The following NRG1 variants were observed in gnomAD, a reference collection of about 807,000 sequenced individuals.
NRG1 encodes the protein neuregulin 1.
In NRG1, 18 loss-of-function variants were observed where a neutral mutation model predicts 63.8. The ratio of observed to expected loss-of-function variants is 0.28; its 90% CI spans 0.19 to 0.42. The LOEUF (loss-of-function observed/expected upper bound fraction) is 0.42, where lower values mean the gene tolerates loss of function less well. Ranked by LOEUF, NRG1 falls within the 10% of genes least tolerant of loss-of-function variation. The probability of loss-of-function intolerance (pLI) is 1.00; values close to 1 mark genes in which losing one functional copy is unlikely to be tolerated. For missense variants in NRG1, 762 were observed against 814.7 expected, an observed-to-expected ratio of 0.94 and a Z score of 0.79; for synonymous variants, 302 against 301.3, an observed-to-expected ratio of 1.00 and a Z score of -0.02.
At chr8:32,188,265 C>G (rs1040364580) in intron 1 of NRG1, among the ~76,000 whole-genome samples, 1 of 152,132 alleles carries the variant, frequency 6.6e-6, no homozygotes, top group Admixed American at 6.6e-5. Context: ...CAGGGTTTCA[C>G]CATGGTGGCC....
intron 1 of NRG1, among the ~76,000 whole-genome samples, chr8:32,465,986 A>G (rs1823015627): frequency 6.6e-6 from 1 of 152,208 alleles, no homozygotes; most frequent in Admixed American, 6.5e-5. Flanking sequence ...GAGCCTTCAG[A>G]TAATTTTCAT....
At chr8:32,401,821 G>A (rs753833020) in intron 1 of NRG1, among the ~76,000 whole-genome samples, 5 of 152,094 alleles carry the variant, frequency 3.3e-5, no homozygotes, top group Admixed American at 6.6e-5. Context: ...TAATCTGTAC[G>A]TCAAATGCCT....
At chr8:32,576,157 A>G (rs1007806789) in intron 1 of NRG1, among the ~76,000 whole-genome samples, 2 of 152,146 alleles carry the variant, frequency 1.3e-5, no homozygotes, top group Non-Finnish European at 2.9e-5. Context: ...CTACTCTCTT[A>G]GCAATTTTCA....
At chr8:32,192,375 T>C (rs1842575224) in intron 1 of NRG1, among the ~76,000 whole-genome samples, 1 of 152,142 alleles carries the variant, frequency 6.6e-6, no homozygotes, top group Non-Finnish European at 1.5e-5. Context: ...GGTATACATA[T>C]GATACGTATA....
chr8:32,529,726 C>T (rs1371455216), intron 1 of NRG1, among the ~76,000 whole-genome samples: 1 of 152,036 alleles, frequency 6.6e-6, no homozygotes, highest in Non-Finnish European at 1.5e-5. Context: ...CACTGTCCTC[C>T]ACCTCCACAT....
intron 1 of NRG1, among the ~76,000 whole-genome samples, chr8:32,410,519 C>A (rs1468993565): frequency 6.6e-6 from 1 of 152,162 alleles, no homozygotes; most frequent in African/African-American, 2.4e-5. Context: ...TACAAACTTT[C>A]TGGAGAACAA....
intron 1 of NRG1, among the ~76,000 whole-genome samples, chr8:32,141,010 TTTTTC>T (rs1343816226): frequency 6.6e-6 from 1 of 150,734 alleles, no homozygotes; most frequent in African/African-American, 2.5e-5. Context: ...TGTCTCTCTC[TTTTTC>T]TCTGTCAATT....
intron 1 of NRG1, among the ~76,000 whole-genome samples, chr8:32,066,874 T>G (rs908889201): frequency 3.9e-5 from 6 of 151,948 alleles, no homozygotes; most frequent in Non-Finnish European, 7.4e-5. Flanking sequence ...TGAGCAGTGG[T>G]TTGTAGTTCT....
chr8:32,647,241 C>T, intron 5 of NRG1: 1 of 985,348 alleles, frequency 1.0e-6, no homozygotes, highest in Non-Finnish European at 1.2e-6. Flanking sequence ...CCTGCCGCCG[C>T]TGCTGCTGCC....
chr8:32,764,399 A>G, exon 12 of NRG1: 1 of 1,554,938 alleles, frequency 6.4e-7, no homozygotes, highest in Non-Finnish European at 8.7e-7. Context: ...CTATTGCTGT[A>G]TAAAACCTAA....
At chr8:32,603,353 T>C (rs1020419683) in intron 2 of NRG1, among the ~76,000 whole-genome samples, 3 of 152,226 alleles carry the variant, frequency 2.0e-5, no homozygotes, top group African/African-American at 7.2e-5. Context: ...CCTGTGAGAT[T>C]AAAGATAATG....
At chr8:32,120,909 ACT>A (rs1161524823) in intron 1 of NRG1, among the ~76,000 whole-genome samples, 2 of 152,000 alleles carry the variant, frequency 1.3e-5, no homozygotes, top group Admixed American at 6.6e-5. Flanking sequence ...CATGGTATAA[ACT>A]CTGCAAGAGG....
chr8:31,688,140 A>G (rs992245697), intron 1 of NRG1, among the ~76,000 whole-genome samples: 3 of 152,226 alleles, frequency 2.0e-5, no homozygotes, highest in Non-Finnish European at 2.9e-5. Flanking sequence ...CAACAGGGCA[A>G]TGGTTAAATC....
chr8:32,728,074 T>G, exon 6 of NRG1: 1 of 1,613,978 alleles, frequency 6.2e-7, no homozygotes, highest in Non-Finnish European at 8.5e-7. Context: ...GAGATACTTG[T>G]GCAAGTAAGA....
intron 1 of NRG1, among the ~76,000 whole-genome samples, chr8:32,390,038 G>C (rs1398877033): frequency 6.6e-6 from 1 of 152,110 alleles, no homozygotes; most frequent in East Asian, 1.9e-4. Flanking sequence ...GGGATTACAG[G>C]CGTGAGCCAC....
chr8:32,754,291 C>A, intron 7 of NRG1, 81 bp from the exon 8 acceptor site: 8 of 1,134,546 alleles, frequency 7.1e-6, no homozygotes, highest in Non-Finnish European at 9.3e-6. Context: ...CAATGTCATG[C>A]AGCATGCCCA....
At chr8:32,284,489 G>GCCTGCCTGCCTGCCTTCCTTGCTT in intron 1 of NRG1, among the ~76,000 whole-genome samples, 1 of 132,614 alleles carries the variant, frequency 7.5e-6, no homozygotes, top group East Asian at 2.3e-4. Context: ...CTGCCTGCCT[G>GCCTGCCTGCCTGCCTTCCTTGCTT]CCTTCCTTCC....
chr8:32,343,404 C>A (rs1214486220), intron 1 of NRG1, among the ~76,000 whole-genome samples: 2 of 152,234 alleles, frequency 1.3e-5, no homozygotes, highest in Admixed American at 6.5e-5. Context: ...AATTTATAAA[C>A]CTAGTATGAA....
At chr8:32,043,178 CT>C (rs1483356754) in intron 1 of NRG1, among the ~76,000 whole-genome samples, 1 of 151,490 alleles carries the variant, frequency 6.6e-6, no homozygotes, top group Non-Finnish European at 1.5e-5. Context: ...AAAGAGAAAC[CT>C]TGAAAAAAGC....
Sources: gnomAD v4.1 joint callset for allele counts (sites outside exome capture counted in the v4.1 genomes callset) on GRCh38, gnomAD v4.1.1 for gene constraint, MANE v1.5 for transcripts, NCBI Gene and HGNC (gene_info 2026-07-23, HGNC 2026-07-21) for gene names.